The following MLPH variants were observed in gnomAD, a reference collection of about 807,000 sequenced individuals.
MLPH encodes the protein exophilin-3.
MLPH carries 51 observed loss-of-function variants against 72.1 expected under a neutral mutation model. The observed-to-expected ratio is 0.71, with a 90% CI of 0.56 to 0.89. MLPH has a LOEUF of 0.89. MLPH is among the 40% of genes least tolerant of loss of function. The pLI is 0.00. For synonymous variants in MLPH, 301 were observed against 310.1 expected, an observed-to-expected ratio of 0.97 and a Z score of 0.31; for missense variants, 743 against 759.9, an observed-to-expected ratio of 0.98 and a Z score of 0.26.
At chr2:237,529,397 TG>T (rs1408568867) in intron 8 of MLPH, among the ~76,000 whole-genome samples, 2 of 152,208 alleles carry the variant, frequency 1.3e-5, no homozygotes, top group African/African-American at 4.8e-5. Context: ...ACTTAACACC[TG>T]TTAAATTAGT....
intron 8 of MLPH, among the ~76,000 whole-genome samples, chr2:237,533,132 T>A (rs1322590366): frequency 6.6e-6 from 1 of 152,168 alleles, no homozygotes; most frequent in Non-Finnish European, 1.5e-5. Context: ...TTCTCACACA[T>A]CTTTAAGATG....
chr2:237,519,224 C>T (rs2080123107), intron 5 of MLPH, among the ~76,000 whole-genome samples: 1 of 151,978 alleles, frequency 6.6e-6, no homozygotes, highest in African/African-American at 2.4e-5. Flanking sequence ...GAAGAAGGGG[C>T]TGGGTAGGTG....
Position 237,553,648 on chromosome 2 carries a change from A to C in MLPH, c.*56A>C. On this transcript the variant is annotated 3_prime_UTR_variant, in exon 16 of 16. Transcript: ENST00000264605. ...GCACTGTTTTCCCTCCACCACAGCC[A>C]TCCTGTCCCTCATTGGCTCTGTGCT... The C allele has an allele frequency of 6.2e-7, 1 of 1,612,476 alleles. No individual in the cohort carries two copies. Among genetic ancestry groups the C allele is most frequent in the Non-Finnish European group, 8.5e-7 (1 of 1,178,438 alleles).
chr2:237,532,329 C>T (rs77789507), intron 8 of MLPH, among the ~76,000 whole-genome samples: 15,274 of 152,232 alleles, frequency 0.1, 954 homozygotes, highest in Non-Finnish European at 0.14. Context: ...GCTTTCCCGA[C>T]GAGGGGTAAA....
chr2:237,552,852 C>A (rs779875521), intron 15 of MLPH, among the ~76,000 whole-genome samples: 2 of 152,140 alleles, frequency 1.3e-5, no homozygotes, highest in Admixed American at 6.6e-5. Context: ...GCTGCGTTCA[C>A]CCCTGTGTGT....
intron 8 of MLPH, among the ~76,000 whole-genome samples, chr2:237,532,405 G>A (rs2080439342): frequency 6.6e-6 from 1 of 152,230 alleles, no homozygotes; most frequent in Non-Finnish European, 1.5e-5. Context: ...TGGTAGGAAG[G>A]AAGTTTCTAA....
intron 9 of MLPH, among the ~76,000 whole-genome samples, chr2:237,535,672 T>G (rs568708943): frequency 2.6e-5 from 4 of 152,282 alleles, no homozygotes; most frequent in African/African-American, 7.2e-5. Context: ...GCACAAAGTT[T>G]GAGGACAGCC....
At chr2:237,547,998 G>A (rs1356403738) in intron 13 of MLPH, among the ~76,000 whole-genome samples, 2 of 152,178 alleles carry the variant, frequency 1.3e-5, no homozygotes, top group Non-Finnish European at 1.5e-5. Flanking sequence ...TTCCAACCCC[G>A]GCAGCTCCTC....
intron 2 of MLPH, among the ~76,000 whole-genome samples, chr2:237,500,929 C>T (rs1327977062): frequency 6.6e-6 from 1 of 152,142 alleles, no homozygotes; most frequent in Non-Finnish European, 1.5e-5. Context: ...CTCCCTCCAC[C>T]CTCACCGTCT....
intron 9 of MLPH, among the ~76,000 whole-genome samples, chr2:237,539,133 T>A (rs2080609023): frequency 6.7e-6 from 1 of 148,580 alleles, no homozygotes; most frequent in Admixed American, 6.8e-5. Context: ...AGGCTCTGCC[T>A]TTTACTATGG....
chr2:237,540,016 T>A (rs1343597498), intron 9 of MLPH, among the ~76,000 whole-genome samples: 1 of 152,196 alleles, frequency 6.6e-6, no homozygotes, highest in Non-Finnish European at 1.5e-5. Context: ...CCCTCTCTCC[T>A]CATCCCTAGA....
intron 4 of MLPH, among the ~76,000 whole-genome samples, chr2:237,516,942 TA>T (rs879557348): frequency 0.085 from 10,451 of 123,640 alleles, 1,243 homozygotes; most frequent in African/African-American, 0.27. Context: ...GATGGATGGA[TA>T]GGTGGATAGG....
chr2:237,519,000 A>T (rs1300139174), intron 5 of MLPH, among the ~76,000 whole-genome samples: 1 of 152,198 alleles, frequency 6.6e-6, no homozygotes, highest in Non-Finnish European at 1.5e-5. Context: ...TCCTGAGAGC[A>T]GCTGCCTTTG....
At chr2:237,493,304 T>C (rs1574828835) in intron 1 of MLPH, 99 bp from the exon 2 acceptor site, 2 of 804,866 alleles carry the variant, frequency 2.5e-6, no homozygotes, top group South Asian at 1.4e-5. Context: ...ACAGATGTCC[T>C]GAGAAGTCAG....
chr2:237,542,670 GGCAGTGGTGAGTGGA>G lies in MLPH; in HGVS notation c.1539+13_1539+27del, dbSNP rs1305408249. On this transcript the variant is annotated intron_variant, in intron 12 of 15. Transcript: ENST00000264605. ...AAGTCAAACCTCCCGGTGAGTGGGG[GGCAGTGGTGAGTGGA>G]GACAGTGCTGAGTGGGGGGGCAGTG... The G allele has an allele frequency of 5.8e-6, 9 of 1,552,422 alleles. No homozygotes were observed. Among genetic ancestry groups the G allele is most frequent in the Middle Eastern group, 2.0e-4 (1 of 5,094 alleles).
chr2:237,533,550 C>A (rs1018486773), intron 8 of MLPH, among the ~76,000 whole-genome samples: 1 of 152,110 alleles, frequency 6.6e-6, no homozygotes, highest in African/African-American at 2.4e-5. Context: ...TGAGCCACCA[C>A]CCCTGGCTAA....
At chr2:237,531,822 A>C (rs1229165199) in intron 8 of MLPH, among the ~76,000 whole-genome samples, 1 of 152,136 alleles carries the variant, frequency 6.6e-6, no homozygotes, top group Admixed American at 6.5e-5. Context: ...CCTATGTAGA[A>C]ATTGTAGCAG....
At chr2:237,533,980 G>A (rs2106359923) in intron 8 of MLPH, among the ~76,000 whole-genome samples, 1 of 152,358 alleles carries the variant, frequency 6.6e-6, no homozygotes, top group South Asian at 2.1e-4. Flanking sequence ...CAGGAAAGAT[G>A]CATCTGCTGG....
intron 8 of MLPH, among the ~76,000 whole-genome samples, chr2:237,529,846 C>G (rs1193555350): frequency 3.9e-5 from 6 of 152,188 alleles, no homozygotes; most frequent in Non-Finnish European, 8.8e-5. Context: ...GGTACAGAGC[C>G]CCTCCTCCCT....
Sources: allele counts gnomAD v4.1 joint callset (sites outside exome capture counted in the v4.1 genomes callset), GRCh38; gene constraint gnomAD v4.1.1; transcripts MANE v1.5; gene names NCBI Gene and HGNC (gene_info 2026-07-23, HGNC 2026-07-21).